Variants in UBE2W observed in about 807,000 individuals in gnomAD.
UBE2W encodes the protein ubiquitin conjugating enzyme E2 W.
Under a neutral mutation model 27.2 loss-of-function variants are expected in UBE2W, and 18 were observed. The ratio of observed to expected loss-of-function variants is 0.66; its 90% CI spans 0.46 to 0.98. The LOEUF is 0.98. UBE2W is among the 50% of genes least tolerant of loss of function. UBE2W has a pLI of 0.00. For synonymous variants in UBE2W, 53 were observed against 57.2 expected, an observed-to-expected ratio of 0.93 and a Z score of 0.33; for missense variants, 90 against 180.2, an observed-to-expected ratio of 0.50 and a Z score of 2.87.
At chr8:73,857,889 A>C (rs1314718523) in intron 1 of UBE2W, among the ~76,000 whole-genome samples, 1 of 152,158 alleles carries the variant, frequency 6.6e-6, no homozygotes, top group East Asian at 1.9e-4. Flanking sequence ...CTTGGGCCTC[A>C]GTTGCCAAAA....
intron 5 of UBE2W, among the ~76,000 whole-genome samples, chr8:73,795,186 T>C (rs1027007351): frequency 6.6e-6 from 1 of 152,214 alleles, no homozygotes. Context: ...CTGATATGGT[T>C]TGGATATCTG....
intron 1 of UBE2W, among the ~76,000 whole-genome samples, chr8:73,878,487 G>A (rs536775170): frequency 1.3e-5 from 2 of 152,318 alleles, no homozygotes; most frequent in South Asian, 4.1e-4. Context: ...GCAGCAGACT[G>A]GCAGCGCCCG....
At chr8:73,781,269 CA>C (rs72377675), downstream of UBE2W, among the ~76,000 whole-genome samples, 3,742 of 86,038 alleles carry the variant, frequency 0.043, 57 homozygotes, top group African/African-American at 0.067. Context: ...GACTCAGTCT[CA>C]AAAAAAAAAA....
intron 1 of UBE2W, among the ~76,000 whole-genome samples, chr8:73,856,508 G>C (rs1324194301): frequency 2.6e-5 from 4 of 151,744 alleles, no homozygotes; most frequent in African/African-American, 9.7e-5. Flanking sequence ...GGGATTACAG[G>C]CATGAGCCAC....
chr8:73,850,848 C>G (rs1391012189), intron 1 of UBE2W, among the ~76,000 whole-genome samples: 1 of 149,150 alleles, frequency 6.7e-6, no homozygotes, highest in East Asian at 2.0e-4. Context: ...CCTATGATTT[C>G]TATTTTTATA....
In UBE2W at chr8:73,787,813, C is replaced by T. The variant is rs1200859683; in HGVS notation, c.*6289G>A. 1.0e-5 allele frequency: 10 copies of T among 985,256 alleles called. No homozygotes were observed. Among genetic ancestry groups the T allele is most frequent in the African/African-American group, 1.7e-5 (1 of 57,236 alleles). 61.0% of individuals were successfully genotyped at this position (985,256 alleles called of 1,614,324 possible). A position where few individuals can be genotyped will look rare whatever the true frequency, so the allele number is the denominator to read the frequency against. The stretch of plus-strand genomic sequence containing the variant: ...TGTACAACTTGAAGTTCAGGAACAT[C>T]GGACTCACGATAACTCTAAGCAAGT... On this transcript the variant is annotated 3_prime_UTR_variant, in exon 6 of 6. Transcript: ENST00000602593.
intron 4 of UBE2W, among the ~76,000 whole-genome samples, chr8:73,806,191 G>A (rs1437539947): frequency 6.6e-6 from 1 of 151,698 alleles, no homozygotes; most frequent in African/African-American, 2.4e-5. Flanking sequence ...AATTATAAAG[G>A]GAATGAAAAA....
chr8:73,866,421 G>A (rs1811777114), intron 1 of UBE2W, among the ~76,000 whole-genome samples: 1 of 149,254 alleles, frequency 6.7e-6, no homozygotes, highest in Non-Finnish European at 1.5e-5. Context: ...GAAGTAACCT[G>A]AATCCAACTT....
At chr8:73,783,765 C>T (rs1807885769), downstream of UBE2W, among the ~76,000 whole-genome samples, 1 of 152,060 alleles carries the variant, frequency 6.6e-6, no homozygotes, top group African/African-American at 2.4e-5. Context: ...AACTTTATAA[C>T]ATGGTTTTTG....
rs189516621 is a variant in UBE2W at position 73,791,274 on chromosome 8, A to G, written c.*2828T>C. 2.0e-6 allele frequency: 2 copies of G among 984,964 alleles called. No individual in the cohort carries two copies. Among genetic ancestry groups the G allele is most frequent in the African/African-American group, 1.7e-5 (1 of 57,276 alleles). The allele number at this position is 984,964 out of a possible 1,614,324, so 61.0% of individuals were successfully genotyped here. A position where few individuals can be genotyped will look rare whatever the true frequency, so the allele number is the denominator to read the frequency against. On this transcript the variant is annotated 3_prime_UTR_variant, in exon 6 of 6. Transcript: ENST00000602593. ...AATCCCTACTTGACCAAAGAAAAAAAAAAAAAAGAAGGGCATCATGTTCAT... is the reference window on the plus strand; with the variant it reads ...AATCCCTACTTGACCAAAGAAAAAAGAAAAAAAGAAGGGCATCATGTTCAT...
At chr8:73,812,089 G>A (rs888668416) in intron 3 of UBE2W, among the ~76,000 whole-genome samples, 2 of 151,570 alleles carry the variant, frequency 1.3e-5, no homozygotes, top group Non-Finnish European at 2.9e-5. Flanking sequence ...CTAACATATG[G>A]GACACATTTC....
intron 1 of UBE2W, among the ~76,000 whole-genome samples, chr8:73,850,465 C>T (rs1311265504): frequency 6.6e-6 from 1 of 151,980 alleles, no homozygotes; most frequent in Admixed American, 6.6e-5. Flanking sequence ...AGGAGTAAAA[C>T]TGATCAAATG....
intron 5 of UBE2W, among the ~76,000 whole-genome samples, chr8:73,800,559 C>T (rs558910436): frequency 1.1e-4 from 16 of 151,844 alleles, no homozygotes; most frequent in African/African-American, 2.9e-4. Flanking sequence ...ATTGGGGGAG[C>T]GGGGAGAGGT....
Position 73,870,208 on chromosome 8 carries a change from A to C in UBE2W, c.15+8600T>G, listed in dbSNP as rs184897586. The C allele has an allele frequency of 5.0e-3, 7,560 of 1,527,030 alleles. 18 individuals are homozygous for C. The highest frequency in any genetic ancestry group is 6.3e-3 in the Non-Finnish European group (7,100 of 1,125,082). The allele number at this position is 1,527,030 out of a possible 1,614,324, so 94.6% of individuals were successfully genotyped here. On this transcript the variant is annotated intron_variant, in intron 1 of 5. Transcript: ENST00000602593. Reference sequence around the variant, plus strand: ...ATGTCAAAATGGACTTTAATAGCTCACAATTTTATTTGACTAATTCTCAAG... The same window carrying C: ...ATGTCAAAATGGACTTTAATAGCTCCCAATTTTATTTGACTAATTCTCAAG...
At chr8:73,799,358 TGA>T (rs939101571) in intron 5 of UBE2W, among the ~76,000 whole-genome samples, 2 of 152,134 alleles carry the variant, frequency 1.3e-5, no homozygotes, top group African/African-American at 4.8e-5. Flanking sequence ...AAATTTAAGC[TGA>T]GAGAGGTCTC....
chr8:73,786,447 T>C lies in UBE2W; in HGVS notation c.*7655A>G. 1.0e-6 allele frequency: 1 copy of C among 984,718 alleles called. No individual in the cohort carries two copies. Among genetic ancestry groups the C allele is most frequent in the Non-Finnish European group, 1.2e-6 (1 of 829,274 alleles). 61.0% of individuals were successfully genotyped at this position (984,718 alleles called of 1,614,324 possible). Reference sequence around the variant, plus strand: ...TGTGCTACAGGTACTGTATACTAGGTACTGTGTGCTACGTGCTGGGGACAC... The same window carrying C: ...TGTGCTACAGGTACTGTATACTAGGCACTGTGTGCTACGTGCTGGGGACAC... On this transcript the variant is annotated 3_prime_UTR_variant, in exon 6 of 6. Coordinates refer to ENST00000602593, the MANE Select transcript of UBE2W (RefSeq NM_018299.6).
chr8:73,855,686 G>T (rs1214977051), intron 1 of UBE2W, among the ~76,000 whole-genome samples: 3 of 151,932 alleles, frequency 2.0e-5, no homozygotes, highest in Non-Finnish European at 4.4e-5. Flanking sequence ...GATTACAGGC[G>T]TGAGCCACAG....
chr8:73,827,954 A>G (rs1809919330), intron 2 of UBE2W, among the ~76,000 whole-genome samples: 1 of 152,214 alleles, frequency 6.6e-6, no homozygotes, highest in Admixed American at 6.5e-5. Flanking sequence ...TTTTGGGGGT[A>G]TATTTCATTC....
At chr8:73,810,828 T>C (rs1479161337) in intron 3 of UBE2W, among the ~76,000 whole-genome samples, 199 bp from the exon 4 acceptor site, 6 of 152,178 alleles carry the variant, frequency 3.9e-5, no homozygotes, top group Non-Finnish European at 1.5e-5. Context: ...AATAACCACA[T>C]AGTAGGGAAA....
Sources: allele counts gnomAD v4.1 joint callset (sites outside exome capture counted in the v4.1 genomes callset), GRCh38; gene constraint gnomAD v4.1.1; transcripts MANE v1.5; gene names NCBI Gene and HGNC (gene_info 2026-07-23, HGNC 2026-07-21).